Variants in ZNF350 observed in about 807,000 individuals in gnomAD.
The protein encoded by ZNF350 is zinc finger protein 350.
A neutral mutation model predicts 13.1 loss-of-function variants in ZNF350; 5 were observed. That is an observed-to-expected ratio of 0.38 (90% CI 0.20 to 0.80). ZNF350 has a LOEUF of 0.80. ZNF350 is among the 30% of genes least tolerant of loss of function. The pLI is 0.43. For synonymous variants in ZNF350, 199 were observed against 224.2 expected, an observed-to-expected ratio of 0.89 and a Z score of 1.00; for missense variants, 534 against 644.2, an observed-to-expected ratio of 0.83 and a Z score of 1.85.
chr19:51,978,857 A>G (rs2085962198), intron 1 of ZNF350, among the ~76,000 whole-genome samples: 1 of 152,224 alleles, frequency 6.6e-6, no homozygotes, highest in Non-Finnish European at 1.5e-5. Flanking sequence ...CAAGTGTTAG[A>G]GGAAAAAAGC....
chr19:51,964,706 G>T lies in ZNF350; in HGVS notation c.*148C>A. 1.2e-6 allele frequency: 1 copy of T among 856,466 alleles called. No homozygotes were observed. The highest frequency in any genetic ancestry group is 1.7e-6 in the Non-Finnish European group (1 of 573,166). The allele number at this position is 856,466 out of a possible 1,614,324, so 53.1% of individuals were successfully genotyped here. ...ATGTGCTTAGGTTAACATCAAATTT[G>T]CCTGTGTATCACAGCATACATTTTA... On this transcript the variant is annotated 3_prime_UTR_variant, in exon 5 of 5. Transcript: ENST00000243644.
chr19:51,970,637 C>T (rs1003615278), intron 2 of ZNF350, among the ~76,000 whole-genome samples: 1 of 152,092 alleles, frequency 6.6e-6, no homozygotes, highest in African/African-American at 2.4e-5. Flanking sequence ...TTCCTATGAC[C>T]TCCTTGAGTT....
rs147194624 is a variant in ZNF350 at position 51,976,052 on chromosome 19, G to A, written c.-171-1521C>T. 3.1e-3 allele frequency among the ~76,000 whole-genome samples: 464 copies of A among 150,836 alleles called. 1 individual carries two copies. Among genetic ancestry groups the A allele is most frequent in the Admixed American group, 7.1e-3 (107 of 15,020 alleles). On this transcript the variant is annotated intron_variant, in intron 1 of 4. Transcript: ENST00000243644. This position sits in a 1 kb window ranked among gnomAD's most constrained non-coding sequence, Gnocchi z 4.5. ...ACTCCCTGGCGCCGTTATCTACTGCGACATCTAGAGAATGCAGTCTTGCAA... is the reference window on the plus strand; with the variant it reads ...ACTCCCTGGCGCCGTTATCTACTGCAACATCTAGAGAATGCAGTCTTGCAA...
In ZNF350 at chr19:51,976,529, G is replaced by A. The variant is rs1385682172; in HGVS notation, c.-171-1998C>T. ...GGAGCAGAGGAACTGAAATTGACAAGGCGAAAGGGGACCCTGGGAAGAGTC... is the reference window on the plus strand; with the variant it reads ...GGAGCAGAGGAACTGAAATTGACAAAGCGAAAGGGGACCCTGGGAAGAGTC... On this transcript the variant is annotated intron_variant, in intron 1 of 4. Coordinates refer to ENST00000243644, the MANE Select transcript of ZNF350 (RefSeq NM_021632.4). The surrounding 1 kb of genome is among the most constrained non-coding windows in gnomAD (Gnocchi z 4.5). 2 of 152,362 alleles carry A rather than the reference G, an allele frequency of 1.3e-5. No homozygotes were observed. The highest frequency in any genetic ancestry group is 4.8e-5 in the African/African-American group (2 of 41,438). 9.4% of individuals were successfully genotyped at this position (152,362 alleles called of 1,614,324 possible). A position where few individuals can be genotyped will look rare whatever the true frequency, so the allele number is the denominator to read the frequency against.
chr19:51,969,179 G>A (rs1198499555), intron 2 of ZNF350, 48 bp from the exon 3 acceptor site: 2 of 1,591,418 alleles, frequency 1.3e-6, no homozygotes, highest in Non-Finnish European at 1.7e-6. Context: ...TTGATGATGT[G>A]GAAGAAATGC....
chr19:51,968,409 TG>T (rs1167792757), intron 4 of ZNF350, 168 bp downstream of exon 4: 14 of 634,056 alleles, frequency 2.2e-5, no homozygotes, highest in East Asian at 8.3e-5. Context: ...TGTTTTGTTT[TG>T]TTTTTTTTTA....
chr19:51,975,593 A>T (rs559803034), intron 1 of ZNF350, among the ~76,000 whole-genome samples: 51 of 152,224 alleles, frequency 3.4e-4, no homozygotes, highest in Non-Finnish European at 6.0e-4. Context: ...TTTTAAAATA[A>T]AATGTACTAA....
intron 1 of ZNF350, among the ~76,000 whole-genome samples, chr19:51,985,538 G>A (rs533954480): frequency 1.3e-5 from 2 of 152,292 alleles, no homozygotes; most frequent in African/African-American, 2.4e-5. Flanking sequence ...TCATTTCCAT[G>A]TCAAACCTAT....
chr19:51,978,002 C>T (rs1405733561), intron 1 of ZNF350, among the ~76,000 whole-genome samples: 1 of 152,188 alleles, frequency 6.6e-6, no homozygotes, highest in Non-Finnish European at 1.5e-5. Flanking sequence ...AAGGATATTA[C>T]AATGCAGTTC....
intron 2 of ZNF350, among the ~76,000 whole-genome samples, chr19:51,971,931 T>C (rs996016248): frequency 6.6e-6 from 1 of 152,154 alleles, no homozygotes; most frequent in Non-Finnish European, 1.5e-5. Context: ...ATTCAGAATA[T>C]GGCAAAGGCG....
intron 2 of ZNF350, 29 bp downstream of exon 2, chr19:51,974,317 A>G (rs780883312): frequency 6.2e-7 from 1 of 1,612,804 alleles, no homozygotes; most frequent in Admixed American, 1.7e-5. Context: ...GAACAAAGGA[A>G]AGAATAAAAC....
chr19:51,966,138 T>G lies in ZNF350; in HGVS notation c.315A>C (p.Glu105Asp). ...GAACAATATTTTCAAATGCATCATG[T>G]TCATGACATGGTTTCCTTCTGTTCA... ...SLVNRRKPCH[E>D]HDAFENIVHC... is the part of the protein sequence containing the mutation. The change falls in exon 5 of 5, where the codon GAA (glutamate) becomes GAC (aspartate). Residue 105 changes from glutamate to aspartate, a missense_variant. Physicochemically the swap from Glu to Asp is conservative, Grantham distance 45 (BLOSUM62 2). Transcript: ENST00000243644. 3 of 1,614,010 alleles carry G rather than the reference T, an allele frequency of 1.9e-6. No homozygotes were observed. The highest frequency in any genetic ancestry group is 2.5e-6 in the Non-Finnish European group (3 of 1,179,990).
At chr19:51,977,173 A>G (rs1390636153) in intron 1 of ZNF350, among the ~76,000 whole-genome samples, 11 of 152,116 alleles carry the variant, frequency 7.2e-5, no homozygotes, top group Admixed American at 6.5e-4. Context: ...TGCTTTTCCT[A>G]TTTCCATCAG....
chr19:51,966,651 T>TG (rs1406027637), intron 4 of ZNF350, among the ~76,000 whole-genome samples: 3 of 151,298 alleles, frequency 2.0e-5, no homozygotes, highest in South Asian at 2.1e-4. Flanking sequence ...TTTGTTGTTT[T>TG]TTTTTTGTTT....
chr19:51,985,735 G>A (rs1031158112), intron 1 of ZNF350, among the ~76,000 whole-genome samples: 3 of 152,316 alleles, frequency 2.0e-5, no homozygotes, highest in Non-Finnish European at 1.5e-5. Context: ...GGCCGGGCGC[G>A]GTGGCTCACG....
chr19:51,967,970 C>T (rs745709436), intron 4 of ZNF350, among the ~76,000 whole-genome samples: 1 of 152,154 alleles, frequency 6.6e-6, no homozygotes. Context: ...GTTTGGGACT[C>T]TCCTCCAGGG....
intron 1 of ZNF350, among the ~76,000 whole-genome samples, chr19:51,986,084 G>A (rs1312158095): frequency 2.0e-5 from 3 of 152,162 alleles, no homozygotes; most frequent in Non-Finnish European, 4.4e-5. Flanking sequence ...TGCCGGCCAC[G>A]AGGTCTCTGT....
intron 1 of ZNF350, among the ~76,000 whole-genome samples, chr19:51,979,000 A>G (rs895141157): frequency 6.6e-6 from 1 of 152,272 alleles, no homozygotes; most frequent in Middle Eastern, 3.4e-3. Flanking sequence ...GGGTGCCCTC[A>G]AGGTGCATGC....
chr19:51,983,070 T>G (rs1275425822), intron 1 of ZNF350, among the ~76,000 whole-genome samples: 1 of 152,370 alleles, frequency 6.6e-6, no homozygotes, highest in South Asian at 2.1e-4. Flanking sequence ...CTTGAGATAC[T>G]GTTAATCTGT....
Sources: gnomAD v4.1 joint callset for allele counts (sites outside exome capture counted in the v4.1 genomes callset) on GRCh38, gnomAD v4.1.1 for gene constraint, Gnocchi (gnomAD v3.1) non-coding constraint, MANE v1.5 for transcripts, NCBI Gene and HGNC (gene_info 2026-07-23, HGNC 2026-07-21) for gene names.